Variants in WDFY3 observed in about 807,000 individuals in gnomAD.
WDFY3 encodes the protein WD repeat and FYVE domain containing 3, also known as WD repeat and FYVE domain-containing protein 3.
WDFY3 carries 66 observed loss-of-function variants against 409.6 expected under a neutral mutation model. The ratio of observed to expected loss-of-function variants is 0.16; its 90% CI spans 0.13 to 0.20. WDFY3 has a LOEUF of 0.20. WDFY3 is among the 10% of genes least tolerant of loss of function. The probability of loss-of-function intolerance (pLI) is 1.00; values close to 1 mark genes in which losing one functional copy is unlikely to be tolerated. For synonymous variants in WDFY3, 1,521 were observed against 1,537.1 expected (o/e 0.99, Z 0.25); for missense variants, 3,031 against 4,298.1 (o/e 0.71, Z 8.24).
intron 25 of WDFY3, 78 bp downstream of exon 25, chr4:84,782,885 G>T (rs930796267): frequency 2.7e-5 from 34 of 1,280,198 alleles, no homozygotes; most frequent in Non-Finnish European, 3.7e-5. Flanking sequence ...CTTAAATACT[G>T]CCCCTTAAGT....
At chr4:84,703,300 C>T (rs1019297672) in intron 55 of WDFY3, among the ~76,000 whole-genome samples, 3 of 152,060 alleles carry the variant, frequency 2.0e-5, no homozygotes, top group Admixed American at 6.6e-5. Context: ...AGTTACAGAC[C>T]GATGAAGCAA....
intron 49 of WDFY3, among the ~76,000 whole-genome samples, chr4:84,715,610 T>TA (rs1223965673): frequency 6.6e-6 from 1 of 151,166 alleles, no homozygotes; most frequent in Non-Finnish European, 1.5e-5. Context: ...CCGTCTCTAC[T>TA]AAAAAATACA....
intron 14 of WDFY3, 106 bp downstream of exon 14, chr4:84,809,781 G>A (rs1453775653): frequency 2.0e-6 from 2 of 983,630 alleles, no homozygotes; most frequent in East Asian, 2.6e-5. Flanking sequence ...TAGGAGAAGA[G>A]TCATCTGTTT....
chr4:84,702,203 C>T, intron 56 of WDFY3, 150 bp downstream of exon 56: 1 of 860,532 alleles, frequency 1.2e-6, no homozygotes, highest in East Asian at 2.9e-5. Context: ...TCACATGTAA[C>T]CACACCCAAT....
intron 58 of WDFY3, among the ~76,000 whole-genome samples, chr4:84,695,448 C>T (rs1467302416): frequency 2.9e-5 from 4 of 136,108 alleles, no homozygotes; most frequent in Admixed American, 7.4e-5. Context: ...ATTTGGGTCC[C>T]GTGTGTGTGT....
At chr4:84,728,205 TAAAACAAAAC>T (rs551429645) in intron 44 of WDFY3, among the ~76,000 whole-genome samples, 5 of 152,138 alleles carry the variant, frequency 3.3e-5, no homozygotes, top group African/African-American at 4.8e-5. Flanking sequence ...CTGAAATTCA[TAAAACAAAAC>T]AAAACAAAAC....
chr4:84,834,514 T>C (rs908720640), intron 7 of WDFY3, among the ~76,000 whole-genome samples: 2 of 148,954 alleles, frequency 1.3e-5, no homozygotes, highest in East Asian at 1.9e-4. Context: ...TAGCCAGGCA[T>C]GGTGGCACAG....
At chr4:84,707,198 G>A (rs900674594) in intron 53 of WDFY3, among the ~76,000 whole-genome samples, 9 of 152,022 alleles carry the variant, frequency 5.9e-5, no homozygotes, top group African/African-American at 2.2e-4. Context: ...CCAAAGTTCT[G>A]GGGTTACAGG....
chr4:84,910,628 A>G (rs1767633037), intron 2 of WDFY3, among the ~76,000 whole-genome samples: 1 of 152,072 alleles, frequency 6.6e-6, no homozygotes, highest in South Asian at 2.1e-4. Flanking sequence ...AAATTAACAT[A>G]AAATGGGTCA....
At chr4:84,707,931 T>C (rs1435933169) in intron 53 of WDFY3, among the ~76,000 whole-genome samples, 1 of 152,232 alleles carries the variant, frequency 6.6e-6, no homozygotes, top group Non-Finnish European at 1.5e-5. Context: ...AGTTTTATCT[T>C]TCCCCTTAAT....
At position 84,703,515 on chromosome 4, in the gene WDFY3, C is replaced by T. The variant is rs552745634; in HGVS notation, c.8442+823G>A. Among the ~76,000 whole-genome samples the T allele has an allele frequency of 6.6e-5, 10 of 152,260 alleles. No homozygotes were observed. The South Asian group carries it at 1.7e-3, about 25-fold the overall frequency. On this transcript the variant is annotated intron_variant, in intron 55 of 67. Coordinates refer to ENST00000295888, the MANE Select transcript of WDFY3 (RefSeq NM_014991.6). ...TAGCCTGTTTCCTTGTCGAACTCTT[C>T]CCCTACAACTAACTTTCCTCCTTAC...
rs567525521 is a variant in WDFY3, at chr4:84,829,326, T to G, written c.770-136A>C. On this transcript the variant is annotated intron_variant, in intron 8 of 67. Coordinates refer to ENST00000295888, the MANE Select transcript of WDFY3 (RefSeq NM_014991.6). The stretch of plus-strand genomic sequence containing the variant: ...AATACTATGAGATAAATGTAACACA[T>G]TCTAAAAGTCAATATAAGAGTCATA... 4.0e-5 allele frequency: 29 copies of G among 722,240 alleles called. No individual in the cohort carries two copies. The East Asian group carries it at 8.4e-4, about 21-fold the overall frequency. 44.7% of individuals were successfully genotyped at this position (722,240 alleles called of 1,614,324 possible).
Position 84,740,386 on chromosome 4 carries a change from C to A in WDFY3, c.6265G>T (p.Asp2089Tyr). 1 of 1,614,072 alleles carries A rather than the reference C, an allele frequency of 6.2e-7. No individual in the cohort carries two copies. Among genetic ancestry groups the A allele is most frequent in the African/African-American group, 1.3e-5 (1 of 74,992 alleles). ...SKRRSQGLSL[D>Y]AVYHCLNRTI... is the part of the protein sequence containing the mutation. ...CTATTGAGGCAATGATACACTGCAT[C>A]CAGTGACAATCCCTGTGATCTTCTC... Residue 2089 changes from aspartate to tyrosine, a missense_variant, in exon 39 of 68, where the codon GAT becomes TAT. Physicochemically the swap from Asp to Tyr is radical, Grantham distance 160. Transcript: ENST00000295888.
In WDFY3 at chr4:84,831,414, A is replaced by G; in HGVS notation, c.768T>C (p.His256=). ...GLSVNVVKYI[H]EKECLSTCVQ... is the part of the protein sequence containing the mutation. ...TTAAATATATAAAGAGATATTCACC[A>G]TGAATATACTTCACTACATTGACAC... The change falls in exon 8 of 68, where the codon CAT becomes CAC. Residue 256 remains histidine, a splice_region_variant and synonymous_variant. Transcript: ENST00000295888. 2.5e-6 allele frequency: 4 copies of G among 1,584,932 alleles called. No homozygotes were observed. The highest frequency in any genetic ancestry group is 3.4e-6 in the Non-Finnish European group (4 of 1,164,506).
intron 42 of WDFY3, 151 bp from the exon 43 acceptor site, chr4:84,735,271 T>C (rs1737243283): frequency 2.1e-5 from 15 of 699,462 alleles, no homozygotes; most frequent in Middle Eastern, 4.0e-4. Context: ...GAATGAATTA[T>C]ATGCTTGTGT....
chr4:84,953,599 A>G (rs1309713821), intron 1 of WDFY3, among the ~76,000 whole-genome samples: 1 of 152,132 alleles, frequency 6.6e-6, no homozygotes, highest in Non-Finnish European at 1.5e-5. Context: ...AGTCATACTT[A>G]GTACAATTTT....
chr4:84,933,987 A>C (rs2150979681), intron 1 of WDFY3, among the ~76,000 whole-genome samples: 1 of 152,204 alleles, frequency 6.6e-6, no homozygotes, highest in South Asian at 2.1e-4. Context: ...TAAATATGGG[A>C]GTGTAGATAT....
rs77510358 is a variant in WDFY3 at position 84,873,000 on chromosome 4, C to T, written c.-31-12378G>A. Reference sequence around the variant, plus strand: ...TCCAAGAAGACATAACAATCCTTAACGTGTATAGGTCTAAAAGGAATATAA... The same window carrying T: ...TCCAAGAAGACATAACAATCCTTAATGTGTATAGGTCTAAAAGGAATATAA... On this transcript the variant is annotated intron_variant, in intron 3 of 67. Coordinates refer to ENST00000295888, the MANE Select transcript of WDFY3 (RefSeq NM_014991.6). Among the ~76,000 whole-genome samples the T allele has an allele frequency of 3.1e-3, 476 of 152,050 alleles. 7 individuals are homozygous for T. Among genetic ancestry groups the T allele is most frequent in the African/African-American group, 0.011 (445 of 41,466 alleles).
intron 54 of WDFY3, 34 bp downstream of exon 54, chr4:84,705,360 G>T (rs114698539): frequency 5.8e-6 from 9 of 1,564,316 alleles, no homozygotes; most frequent in Non-Finnish European, 7.9e-6. Flanking sequence ...TTGAAACTTG[G>T]GTACAAAGTC....
Sources: allele counts gnomAD v4.1 joint callset (sites outside exome capture counted in the v4.1 genomes callset), GRCh38; gene constraint gnomAD v4.1.1; transcripts MANE v1.5; gene names NCBI Gene and HGNC (gene_info 2026-07-23, HGNC 2026-07-21).